PTGIS: variants seen among roughly 807,000 people sequenced by gnomAD.
PTGIS encodes the protein prostacyclin synthase.
A neutral mutation model predicts 50.3 loss-of-function variants in PTGIS; 45 were observed. The observed-to-expected ratio is 0.90, with a 90% CI of 0.70 to 1.15. PTGIS has a LOEUF of 1.15. PTGIS is among the 50% of genes most tolerant of loss of function. The pLI, the probability that PTGIS is intolerant of heterozygous loss-of-function variation, is 0.00. For synonymous variants in PTGIS, 260 were observed against 267.7 expected, an observed-to-expected ratio of 0.97 and a Z score of 0.28; for missense variants, 668 against 661.3, an observed-to-expected ratio of 1.01 and a Z score of -0.11.
At position 49,507,979 on chromosome 20, in the gene PTGIS, C is replaced by A; in HGVS notation, c.1444G>T (p.Gly482Cys). 3.7e-6 allele frequency: 6 copies of A among 1,613,834 alleles called. No homozygotes were observed. The highest frequency in any genetic ancestry group is 5.1e-6 in the Non-Finnish European group (6 of 1,180,044). The change falls in exon 10 of 10, where the codon GGC becomes TGC. Residue 482 changes from glycine to cysteine, a missense_variant. Physicochemically the swap from Gly to Cys is radical, Grantham distance 159 (BLOSUM62 -3). Transcript: ENST00000244043. ...TGTTCCGGCTGCATCAGACCGAAGC[C>A]GTACCTGCTGAGGTCAAACTCAGGG... ...EIPEFDLSRY[G>C]FGLMQPEHDV...
intron 1 of PTGIS, among the ~76,000 whole-genome samples, chr20:49,562,659 C>T (rs1361348911): frequency 6.6e-6 from 1 of 152,208 alleles, no homozygotes. Flanking sequence ...CCCACACAGC[C>T]GGTTTCCTGC....
intron 1 of PTGIS, among the ~76,000 whole-genome samples, chr20:49,560,587 G>A (rs74368908): frequency 0.017 from 2,577 of 152,308 alleles, 27 homozygotes; most frequent in South Asian, 0.021. Flanking sequence ...GAGGGGGGCT[G>A]GTTTACAAAA....
intron 5 of PTGIS, among the ~76,000 whole-genome samples, chr20:49,537,733 C>T (rs1423671771): frequency 6.6e-6 from 1 of 151,952 alleles, no homozygotes; most frequent in Non-Finnish European, 1.5e-5. Flanking sequence ...CCAGCCTGGG[C>T]AACAGGGCAA....
chr20:49,536,539 G>T (rs1214552185), intron 5 of PTGIS, among the ~76,000 whole-genome samples: 3 of 137,068 alleles, frequency 2.2e-5, no homozygotes, highest in Non-Finnish European at 4.5e-5. Context: ...GGAGTGCAGT[G>T]GCACAATCTC....
intron 5 of PTGIS, among the ~76,000 whole-genome samples, chr20:49,537,425 C>T (rs1378106302): frequency 6.6e-6 from 1 of 152,166 alleles, no homozygotes; most frequent in Non-Finnish European, 1.5e-5. Context: ...GTAAGCGGTA[C>T]AACAATTCTT....
At chr20:49,532,142 A>C (rs1464406574) in intron 5 of PTGIS, among the ~76,000 whole-genome samples, 2 of 152,232 alleles carry the variant, frequency 1.3e-5, no homozygotes, top group African/African-American at 4.8e-5. Flanking sequence ...GGTTAATGCT[A>C]AAATGCTAAT....
chr20:49,526,371 T>G (rs1981793663), intron 5 of PTGIS, among the ~76,000 whole-genome samples: 1 of 152,236 alleles, frequency 6.6e-6, no homozygotes, highest in African/African-American at 2.4e-5. Flanking sequence ...ACTGCAATCT[T>G]GAATATCACT....
chr20:49,504,427 G>C lies in PTGIS; in HGVS notation c.*3493C>G, dbSNP rs1025456251. 6.6e-6 allele frequency: 1 copy of C among 152,336 alleles called. No individual in the cohort carries two copies. The highest frequency in any genetic ancestry group is 2.4e-5 in the African/African-American group (1 of 41,568). 9.4% of individuals were successfully genotyped at this position (152,336 alleles called of 1,614,324 possible). ...AAACAAAGTTTAGGCCGGGCATGGTGGCTCATGCCTGTAATCCTAGCACTT... is the reference window on the plus strand; with the variant it reads ...AAACAAAGTTTAGGCCGGGCATGGTCGCTCATGCCTGTAATCCTAGCACTT... On this transcript the variant is annotated 3_prime_UTR_variant, in exon 10 of 10. Coordinates refer to ENST00000244043, the MANE Select transcript of PTGIS (RefSeq NM_000961.4).
intron 1 of PTGIS, among the ~76,000 whole-genome samples, chr20:49,567,731 A>G (rs1206748690): frequency 6.6e-6 from 1 of 151,978 alleles, no homozygotes; most frequent in African/African-American, 2.4e-5. Flanking sequence ...TCCTCACCTG[A>G]AACCCCCTCC....
At chr20:49,518,274 A>G (rs947949782) in intron 6 of PTGIS, among the ~76,000 whole-genome samples, 1 of 152,200 alleles carries the variant, frequency 6.6e-6, no homozygotes, top group Non-Finnish European at 1.5e-5. Flanking sequence ...GCTGAGGGAC[A>G]CCAGCGATGG....
chr20:49,549,544 T>C (rs1982451211), intron 2 of PTGIS, among the ~76,000 whole-genome samples: 1 of 151,966 alleles, frequency 6.6e-6, no homozygotes, highest in African/African-American at 2.4e-5. Context: ...GATCCATGAG[T>C]GGAAGAACTC....
intron 1 of PTGIS, among the ~76,000 whole-genome samples, chr20:49,557,091 C>CT (rs1256686490): frequency 6.6e-6 from 1 of 152,026 alleles, no homozygotes; most frequent in Non-Finnish European, 1.5e-5. Context: ...TGTTTATCTG[C>CT]TTACTTCCTC....
intron 1 of PTGIS, among the ~76,000 whole-genome samples, chr20:49,553,835 A>C (rs552689719): frequency 1.3e-5 from 2 of 152,250 alleles, no homozygotes; most frequent in African/African-American, 4.8e-5. Context: ...AAAATGATTG[A>C]TCATTTACGA....
chr20:49,544,525 C>T (rs1422841132), intron 3 of PTGIS, 77 bp from the exon 4 acceptor site: 2 of 1,551,810 alleles, frequency 1.3e-6, no homozygotes, highest in African/African-American at 1.4e-5. Context: ...CCTCCCCAAA[C>T]CTAAGGGTCC....
chr20:49,522,439 AC>A (rs1216534271), intron 6 of PTGIS, among the ~76,000 whole-genome samples: 1 of 150,896 alleles, frequency 6.6e-6, no homozygotes, highest in East Asian at 2.0e-4. Context: ...TGTCCTCCTG[AC>A]CCCCCAAATG....
intron 1 of PTGIS, among the ~76,000 whole-genome samples, chr20:49,565,451 T>C (rs536647350): frequency 1.2e-3 from 179 of 152,128 alleles, no homozygotes; most frequent in Non-Finnish European, 1.9e-3. Context: ...GGAGGATCGC[T>C]TGAGCTGAGT....
At chr20:49,513,303 T>C in intron 7 of PTGIS, 42 bp from the exon 8 acceptor site, 1 of 1,594,204 alleles carries the variant, frequency 6.3e-7, no homozygotes, top group Non-Finnish European at 8.5e-7. Flanking sequence ...GGGCTATCCC[T>C]TCACCTGCTC....
intron 1 of PTGIS, among the ~76,000 whole-genome samples, chr20:49,559,982 T>C (rs1235011138): frequency 6.6e-6 from 1 of 151,398 alleles, no homozygotes; most frequent in East Asian, 1.9e-4. Context: ...TGGAGTGCAA[T>C]GGCGCGATCT....
In PTGIS at chr20:49,503,968, C is replaced by A. The variant is rs1981067355; in HGVS notation, c.*3952G>T. ...TCTTTATTAAAATAGCAAGGCATAA[C>A]AATCACTGCTACTCAGGAAACACTG... On this transcript the variant is annotated 3_prime_UTR_variant, in exon 10 of 10. Transcript: ENST00000244043. 6.6e-6 allele frequency: 1 copy of A among 152,392 alleles called. No homozygotes were observed. Among genetic ancestry groups the A allele is most frequent in the East Asian group, 1.9e-4 (1 of 5,186 alleles). 9.4% of individuals were successfully genotyped at this position (152,392 alleles called of 1,614,324 possible).
Sources: gnomAD v4.1 joint callset for allele counts (sites outside exome capture counted in the v4.1 genomes callset) on GRCh38, gnomAD v4.1.1 for gene constraint, MANE v1.5 for transcripts, NCBI Gene and HGNC (gene_info 2026-07-23, HGNC 2026-07-21) for gene names.